NTRK3: variants seen among roughly 807,000 people sequenced by gnomAD.
The protein encoded by NTRK3 is NT-3 growth factor receptor.
NTRK3 carries 24 observed loss-of-function variants against 91.7 expected under a neutral mutation model. The observed-to-expected ratio is 0.26, with a 90% confidence interval of 0.19 to 0.37. The LOEUF (loss-of-function observed/expected upper bound fraction) is 0.37, where lower values mean the gene tolerates loss of function less well. NTRK3 is among the 10% of genes least tolerant of loss of function. NTRK3 has a pLI of 1.00. For missense variants in NTRK3, 880 were observed against 1,068.9 expected, an observed-to-expected ratio of 0.82 and a Z score of 2.46; for synonymous variants, 483 against 404.0, an observed-to-expected ratio of 1.20 and a Z score of -2.34.
intron 14 of NTRK3, among the ~76,000 whole-genome samples, chr15:88,030,090 C>T: frequency 6.6e-6 from 1 of 152,230 alleles, no homozygotes; most frequent in East Asian, 1.9e-4. Context: ...CTACTTTCCC[C>T]AGCATCAGAG....
At chr15:87,974,896 AC>A (rs753254966) in intron 14 of NTRK3, among the ~76,000 whole-genome samples, 3 of 152,116 alleles carry the variant, frequency 2.0e-5, no homozygotes, top group Non-Finnish European at 4.4e-5. Flanking sequence ...AGGGGGGAGC[AC>A]CTAGGTGGTG....
intron 18 of NTRK3, 107 bp from the exon 20 acceptor site, chr15:87,877,227 G>C: frequency 1.7e-6 from 2 of 1,179,334 alleles, no homozygotes; most frequent in East Asian, 2.5e-5. Context: ...TCTATGCAGA[G>C]CCGAGGCTCT....
intron 17 of NTRK3, among the ~76,000 whole-genome samples, chr15:87,907,883 G>A (rs2066864853): frequency 6.6e-6 from 1 of 152,104 alleles, no homozygotes; most frequent in African/African-American, 2.4e-5. Context: ...AAATGGGGAG[G>A]GCAAAAGCCT....
intron 3 of NTRK3, among the ~76,000 whole-genome samples, chr15:88,212,912 C>G (rs1252876366): frequency 6.6e-6 from 1 of 152,178 alleles, no homozygotes; most frequent in Non-Finnish European, 1.5e-5. Context: ...TCACCCTATA[C>G]TGAGTCAGAA....
At chr15:87,918,591 G>C (rs2067628949) in intron 17 of NTRK3, among the ~76,000 whole-genome samples, 1 of 152,196 alleles carries the variant, frequency 6.6e-6, no homozygotes, top group African/African-American at 2.4e-5. Flanking sequence ...ATAAGCTTTA[G>C]ACATTCTTAA....
chr15:88,089,694 CTG>C (rs2048833483), intron 13 of NTRK3, among the ~76,000 whole-genome samples: 1 of 152,314 alleles, frequency 6.6e-6, no homozygotes, highest in East Asian at 1.9e-4. Context: ...AGCCTTGACT[CTG>C]TACTCTTGAG....
chr15:88,255,411 T>G lies in NTRK3; in HGVS notation c.248+495A>C, dbSNP rs1180139381. 6.6e-6 allele frequency among the ~76,000 whole-genome samples: 1 copy of G among 152,110 alleles called. No homozygotes were observed. Among genetic ancestry groups the G allele is most frequent in the Non-Finnish European group, 1.5e-5 (1 of 68,028 alleles). ...ATGTTTTGCTGTTTCCAAATGGAAA[T>G]AGTTAAACACCTCGGCTGGATCGCG... On this transcript the variant is annotated intron_variant, in intron 3 of 18. Coordinates refer to ENST00000394480, the Ensembl canonical transcript of NTRK3. The surrounding 1 kb of genome is among the most constrained non-coding windows in gnomAD (Gnocchi z 4.3).
chr15:87,909,815 T>A (rs948503897), intron 17 of NTRK3, among the ~76,000 whole-genome samples: 1 of 152,180 alleles, frequency 6.6e-6, no homozygotes, highest in Non-Finnish European at 1.5e-5. Flanking sequence ...CACAGACGGA[T>A]GACCATGTGG....
rs1314879117 is a variant in NTRK3, at chr15:88,235,026, G to A, written c.248+20880C>T. On this transcript the variant is annotated intron_variant, in intron 3 of 18. Transcript: ENST00000394480. This position sits in a 1 kb window ranked among gnomAD's most constrained non-coding sequence, Gnocchi z 5.2. ...GACTGTCTGTCACTGACAGATCGAAGCTGGACAATCCATTCTCCGAGAGCC... is the reference window on the plus strand; with the variant it reads ...GACTGTCTGTCACTGACAGATCGAAACTGGACAATCCATTCTCCGAGAGCC... 6.6e-6 allele frequency among the ~76,000 whole-genome samples: 1 copy of A among 152,148 alleles called. No individual in the cohort carries two copies. The highest frequency in any genetic ancestry group is 1.5e-5 in the Non-Finnish European group (1 of 68,030).
chr15:87,934,852 G>C (rs1270452893), intron 15 of NTRK3, among the ~76,000 whole-genome samples: 2 of 152,156 alleles, frequency 1.3e-5, no homozygotes, highest in Admixed American at 6.5e-5. Context: ...TCATCAAGTG[G>C]AGGTGTGGTC....
At position 87,878,906 on chromosome 15, in the gene NTRK3, GGTGTGTGTGTGTGT is replaced by G. The variant is rs34029623; in HGVS notation, c.2292+1350_2292+1363del. ...GGAGGCAGTGTTCAGGTGCATGCAT[GGTGTGTGTGTGTGT>G]GTGTGTGTGTGTGTGTGTGTGTGTG... On this transcript the variant is annotated intron_variant, in intron 18 of 18. Coordinates refer to ENST00000394480, the Ensembl canonical transcript of NTRK3. Among the ~76,000 whole-genome samples, 166 of 142,026 alleles carry G rather than the reference GGTGTGTGTGTGTGT, an allele frequency of 1.2e-3. 2 individuals are homozygous for G. The highest frequency in any genetic ancestry group is 3.2e-3 in the African/African-American group (122 of 38,322). The allele number at this position is 142,026 out of a possible 152,430, so 93.2% of individuals were successfully genotyped here.
chr15:87,919,126 G>A (rs1228418943), intron 17 of NTRK3, among the ~76,000 whole-genome samples: 3 of 152,116 alleles, frequency 2.0e-5, no homozygotes, highest in African/African-American at 7.2e-5. Context: ...ACACAGTGTA[G>A]AAGAAAGATG....
chr15:87,941,472 T>TAC (rs10544243), intron 14 of NTRK3, among the ~76,000 whole-genome samples: 2,129 of 148,918 alleles, frequency 0.014, 16 homozygotes, highest in South Asian at 0.029. Context: ...CACATACACA[T>TAC]ACACACACAC....
intron 13 of NTRK3, among the ~76,000 whole-genome samples, chr15:88,064,704 G>C (rs2046501419): frequency 6.6e-6 from 1 of 152,164 alleles, no homozygotes; most frequent in African/African-American, 2.4e-5. Context: ...GAACCAAGGA[G>C]CTTTCAAGAA....
intron 14 of NTRK3, among the ~76,000 whole-genome samples, chr15:87,947,815 A>T (rs923242242): frequency 1.3e-5 from 2 of 152,238 alleles, no homozygotes; most frequent in African/African-American, 4.8e-5. Context: ...CATTAATTCA[A>T]TACCACATAT....
At chr15:88,001,827 G>T (rs2076117300) in intron 14 of NTRK3, among the ~76,000 whole-genome samples, 1 of 151,940 alleles carries the variant, frequency 6.6e-6, no homozygotes, top group African/African-American at 2.4e-5. Flanking sequence ...GAATCTTCTG[G>T]ATTTTCCTAT....
chr15:88,021,753 T>C (rs1317808567), intron 14 of NTRK3, among the ~76,000 whole-genome samples: 1 of 152,164 alleles, frequency 6.6e-6, no homozygotes, highest in African/African-American at 2.4e-5. Context: ...AACAATATAG[T>C]GCAAGGGGAA....
chr15:87,898,462 A>G (rs890172317), intron 17 of NTRK3, among the ~76,000 whole-genome samples: 3 of 152,106 alleles, frequency 2.0e-5, no homozygotes, highest in Non-Finnish European at 2.9e-5. Flanking sequence ...AGGAGCAGCT[A>G]AAGTGAATTT....
At chr15:88,161,550 G>A (rs979368482) in intron 5 of NTRK3, among the ~76,000 whole-genome samples, 1 of 152,172 alleles carries the variant, frequency 6.6e-6, no homozygotes, top group Non-Finnish European at 1.5e-5. Flanking sequence ...GGGAATTGGA[G>A]TCCAATTTTT....
Sources: allele counts gnomAD v4.1 joint callset (sites outside exome capture counted in the v4.1 genomes callset), GRCh38; gene constraint gnomAD v4.1.1; non-coding constraint Gnocchi (gnomAD v3.1); transcripts MANE v1.5; gene names NCBI Gene and HGNC (gene_info 2026-07-23, HGNC 2026-07-21).